SELENOI: variants seen among roughly 807,000 people sequenced by gnomAD.
SELENOI encodes the protein ethanolaminephosphotransferase 1.
A neutral mutation model predicts 50.7 loss-of-function variants in SELENOI; 24 were observed. That is an observed-to-expected ratio of 0.47 (90% CI 0.34 to 0.67). SELENOI has a LOEUF of 0.67. Ranked by LOEUF, SELENOI falls within the 30% of genes least tolerant of loss-of-function variation. SELENOI has a pLI of 0.01. For synonymous variants in SELENOI, 155 were observed against 170.2 expected (o/e 0.91, Z 0.70); for missense variants, 352 against 461.4 (o/e 0.76, Z 2.17).
At chr2:26,366,580 G>A (rs1677291288) in intron 3 of SELENOI, among the ~76,000 whole-genome samples, 2 of 152,124 alleles carry the variant, frequency 1.3e-5, no homozygotes, top group Admixed American at 1.3e-4. Flanking sequence ...TACACTGCTG[G>A]TTGATTACAA....
At chr2:26,351,686 G>T (rs1676962373) in intron 1 of SELENOI, among the ~76,000 whole-genome samples, 1 of 152,196 alleles carries the variant, frequency 6.6e-6, no homozygotes, top group African/African-American at 2.4e-5. Flanking sequence ...GGTGCTGTCA[G>T]AGGGGAATGA....
intron 4 of SELENOI, among the ~76,000 whole-genome samples, chr2:26,369,014 C>T (rs748727708): frequency 4.6e-5 from 7 of 152,110 alleles, no homozygotes; most frequent in Admixed American, 1.3e-4. Context: ...CAAGATTAAC[C>T]GTAATTATAG....
rs916461098 is a variant in SELENOI, at chr2:26,392,535, A to G, written c.*3432A>G. 1 of 152,192 alleles carries G rather than the reference A, an allele frequency of 6.6e-6. No individual in the cohort carries two copies. Among genetic ancestry groups the G allele is most frequent in the Non-Finnish European group, 1.5e-5 (1 of 68,050 alleles). 9.4% of individuals were successfully genotyped at this position (152,192 alleles called of 1,614,324 possible). The stretch of plus-strand genomic sequence containing the variant: ...CACCTGGGTTTCCTCTTATCTACCC[A>G]CCACCTAGGACAGAGGCTGCCCACT... On this transcript the variant is annotated 3_prime_UTR_variant, in exon 10 of 10. Transcript: ENST00000260585.
chr2:26,383,290 T>C lies in SELENOI; in HGVS notation c.683-9T>C. The C allele has an allele frequency of 2.0e-6, 3 of 1,517,072 alleles. No individual in the cohort carries two copies. The highest frequency in any genetic ancestry group is 8.9e-7 in the Non-Finnish European group (1 of 1,120,948). The allele number at this position is 1,517,072 out of a possible 1,614,324, so 94.0% of individuals were successfully genotyped here. ...ATAAGCATAATAATTGAATAATTATTCCCTTTAGGTTGTGCATTATGTGTG... is the reference window on the plus strand; with the variant it reads ...ATAAGCATAATAATTGAATAATTATCCCCTTTAGGTTGTGCATTATGTGTG... On this transcript the variant is annotated splice_polypyrimidine_tract_variant and intron_variant, in intron 6 of 9. Transcript: ENST00000260585.
rs368640249 is a variant in SELENOI, at chr2:26,353,572, A to G, written c.57+7283A>G. Reference sequence around the variant, plus strand: ...TTTGTCACCTTGACTAGATTTGGGGAACTGCCCTCTGTTCCCTGTAAGTAC... The same window carrying G: ...TTTGTCACCTTGACTAGATTTGGGGGACTGCCCTCTGTTCCCTGTAAGTAC... On this transcript the variant is annotated intron_variant, in intron 1 of 9. Coordinates refer to ENST00000260585, the MANE Select transcript of SELENOI (RefSeq NM_033505.4). Among the ~76,000 whole-genome samples the G allele has an allele frequency of 3.9e-5, 6 of 152,312 alleles. No individual in the cohort carries two copies. In the East Asian group the frequency reaches 9.6e-4, roughly 24 times the overall value.
rs1030661029 is a variant in SELENOI at position 26,393,844 on chromosome 2, A to C, written c.*4741A>C. ...GTACTGAAGACGAGGGAGTAGCTAA[A>C]TGCTGTGGATATTTCATGTCTGTTT... On this transcript the variant is annotated 3_prime_UTR_variant, in exon 10 of 10. Coordinates refer to ENST00000260585, the MANE Select transcript of SELENOI (RefSeq NM_033505.4). 6.6e-6 allele frequency: 1 copy of C among 152,216 alleles called. No individual in the cohort carries two copies. The highest frequency in any genetic ancestry group is 2.4e-5 in the African/African-American group (1 of 41,466). 9.4% of individuals were successfully genotyped at this position (152,216 alleles called of 1,614,324 possible). A position where few individuals can be genotyped will look rare whatever the true frequency, so the allele number is the denominator to read the frequency against.
intron 1 of SELENOI, among the ~76,000 whole-genome samples, chr2:26,348,388 GTTTAA>G (rs1334373263): frequency 6.6e-6 from 1 of 152,224 alleles, no homozygotes; most frequent in Non-Finnish European, 1.5e-5. Flanking sequence ...TTTTGAAGTA[GTTTAA>G]TTTATCTTCC....
chr2:26,357,792 C>A (rs1677094292), intron 1 of SELENOI, among the ~76,000 whole-genome samples: 1 of 152,122 alleles, frequency 6.6e-6, no homozygotes, highest in Admixed American at 6.5e-5. Context: ...CAGTGTCTTG[C>A]TTTGTTGCTG....
intron 9 of SELENOI, among the ~76,000 whole-genome samples, chr2:26,387,750 T>C (rs535920662): frequency 6.6e-6 from 1 of 152,058 alleles, no homozygotes; most frequent in Admixed American, 6.5e-5. Flanking sequence ...ATAAACAATC[T>C]CGAATATTTT....
intron 1 of SELENOI, among the ~76,000 whole-genome samples, chr2:26,350,106 CA>C (rs5830006): frequency 0.11 from 16,144 of 141,318 alleles, 2,101 homozygotes; most frequent in African/African-American, 0.33. Flanking sequence ...GACCCTGACT[CA>C]AAAAAAAAAA....
At chr2:26,366,105 C>T (rs1677281563) in intron 3 of SELENOI, among the ~76,000 whole-genome samples, 1 of 152,054 alleles carries the variant, frequency 6.6e-6, no homozygotes, top group South Asian at 2.1e-4. Flanking sequence ...CTGGCCAAGA[C>T]TTTTGATACT....
In SELENOI at chr2:26,364,091, T is replaced by C. The variant is rs1042404216; in HGVS notation, c.58-211T>C. ...TTCTTTCTCCCCCTTTTTTTTTTTT[T>C]TTTTTTTTGGAGATGGGATCTCACT... On this transcript the variant is annotated intron_variant, in intron 1 of 9. Coordinates refer to ENST00000260585, the MANE Select transcript of SELENOI (RefSeq NM_033505.4). 1.6e-3 allele frequency among the ~76,000 whole-genome samples: 248 copies of C among 150,540 alleles called. 2 individuals carry two copies. Among genetic ancestry groups the C allele is most frequent in the African/African-American group, 5.9e-3 (242 of 40,950 alleles).
chr2:26,357,540 C>T (rs1021001186), intron 1 of SELENOI, among the ~76,000 whole-genome samples: 1 of 152,160 alleles, frequency 6.6e-6, no homozygotes, highest in Non-Finnish European at 1.5e-5. Flanking sequence ...ATTGGCAGAG[C>T]CACACACCCT....
chr2:26,384,902 G>A (rs1235770577), intron 7 of SELENOI, 57 bp from the exon 8 acceptor site: 1 of 1,280,538 alleles, frequency 7.8e-7, no homozygotes. Flanking sequence ...TACAGTACAA[G>A]TACTGTACAA....
chr2:26,364,403 T>A, intron 2 of SELENOI, 33 bp downstream of exon 2: 1 of 1,371,236 alleles, frequency 7.3e-7, no homozygotes, highest in Non-Finnish European at 1.0e-6. Flanking sequence ...ACTTTTTGTT[T>A]TAGTAAGTTT....
At chr2:26,372,210 T>A (rs189002513) in intron 4 of SELENOI, among the ~76,000 whole-genome samples, 27 of 152,282 alleles carry the variant, frequency 1.8e-4, no homozygotes, top group Non-Finnish European at 3.1e-4. Context: ...CCTCCTGGGT[T>A]CAAGCGATTC....
At chr2:26,358,408 A>G (rs925152758) in intron 1 of SELENOI, among the ~76,000 whole-genome samples, 5 of 151,882 alleles carry the variant, frequency 3.3e-5, no homozygotes, top group African/African-American at 1.2e-4. Flanking sequence ...AAAACAAAAC[A>G]AAAAAAACCT....
chr2:26,385,098 G>A lies in SELENOI; in HGVS notation c.871G>A (p.Val291Ile). Reference protein sequence around the residue: ...PSDILELHPRVFYFMVGTAFA... With the variant: ...PSDILELHPRIFYFMVGTAFA... ...AGATATTTTAGAGCTACATCCTAGA[G>A]TATTCTACTTTATGGTTGGAACAGC... The change falls in exon 8 of 10, where the codon GTA (valine) becomes ATA (isoleucine). Residue 291 changes from valine to isoleucine, a missense_variant. Physicochemically the swap from Val to Ile is conservative, Grantham distance 29 (BLOSUM62 3). Transcript: ENST00000260585. The A allele has an allele frequency of 6.2e-7, 1 of 1,606,848 alleles. No homozygotes were observed.
At chr2:26,346,572 C>A (rs1046243328) in intron 1 of SELENOI, 18 of 308,426 alleles carry the variant, frequency 5.8e-5, no homozygotes, top group Admixed American at 4.6e-4. Context: ...TTTTTTTAAA[C>A]TTATTATTTT....
Sources: gnomAD v4.1 joint callset for allele counts (sites outside exome capture counted in the v4.1 genomes callset) on GRCh38, gnomAD v4.1.1 for gene constraint, MANE v1.5 for transcripts, NCBI Gene and HGNC (gene_info 2026-07-23, HGNC 2026-07-21) for gene names.